KNTC1: variants seen among roughly 807,000 people sequenced by gnomAD.
KNTC1 encodes the protein kinetochore-associated protein 1.
A neutral mutation model predicts 314.4 loss-of-function variants in KNTC1; 253 were observed. The ratio of observed to expected loss-of-function variants is 0.80; its 90% CI spans 0.73 to 0.89. The LOEUF (loss-of-function observed/expected upper bound fraction) is 0.89. Among genes scored for constraint, KNTC1 ranks in the 40% least tolerant of loss-of-function variants. The pLI is 0.00. For missense variants in KNTC1, 2,475 were observed against 2,572.9 expected, an observed-to-expected ratio of 0.96 and a Z score of 0.82; for synonymous variants, 901 against 901.4, an observed-to-expected ratio of 1.00 and a Z score of 0.01.
intron 2 of KNTC1, among the ~76,000 whole-genome samples, chr12:122,532,062 C>A (rs1300090181): frequency 6.7e-6 from 1 of 148,426 alleles, no homozygotes. Flanking sequence ...AAGAGAGACT[C>A]TCACTCTGTA....
chr12:122,530,099 T>C lies in KNTC1; in HGVS notation c.36T>C (p.Asp12=). ...WNDIELLTND[D]TGSGYLSVGS... is the part of the protein sequence containing the mutation. ...ATATTGAGCTGCTAACAAATGATGATACCGGAAGTGGGTACCTGAGTGTCG... is the reference window on the plus strand; with the variant it reads ...ATATTGAGCTGCTAACAAATGATGACACCGGAAGTGGGTACCTGAGTGTCG... Residue 12 remains aspartate (D), a synonymous_variant, in exon 2 of 64, where the codon GAT becomes GAC. Transcript: ENST00000333479. 1 of 1,613,844 alleles carries C rather than the reference T, an allele frequency of 6.2e-7. No individual in the cohort carries two copies.
intron 21 of KNTC1, 64 bp from the exon 22 acceptor site, chr12:122,569,617 C>A: frequency 7.0e-7 from 1 of 1,430,754 alleles, no homozygotes; most frequent in South Asian, 1.3e-5. Context: ...ATATCTTTGT[C>A]AAACATTTGG....
Position 122,542,100 on chromosome 12 carries a change from A to G in KNTC1, c.496A>G (p.Asn166Asp), listed in dbSNP as rs536299294. The part of the protein sequence containing the change: ...LTYSGFFCIT[N>D]LQLLKIQQAI... ...ATACAGTGGATTTTTTTGTATTACA[A>G]ACCTTCAGCTTTTAAAAATTCAACA... is the stretch of plus-strand genomic sequence containing the variant. Residue 166 changes from asparagine to aspartate, a missense_variant, in exon 6 of 64, where the codon AAC (asparagine) becomes GAC (aspartate). Transcript: ENST00000333479. The G allele has an allele frequency of 7.8e-5, 119 of 1,528,938 alleles. 4 individuals are homozygous for G. The South Asian group carries it at 1.3e-3, about 17-fold the overall frequency. The allele number at this position is 1,528,938 out of a possible 1,614,324, so 94.7% of individuals were successfully genotyped here. A position where few individuals can be genotyped will look rare whatever the true frequency, so the allele number is the denominator to read the frequency against.
At chr12:122,571,180 G>T in intron 24 of KNTC1, 54 bp downstream of exon 24, 1 of 1,340,840 alleles carries the variant, frequency 7.5e-7, no homozygotes, top group African/African-American at 1.4e-5. Context: ...ACCTGAAAGG[G>T]TTTGTCTGCA....
chr12:122,542,021 A>T, intron 5 of KNTC1, 29 bp from the exon 6 acceptor site: 1 of 1,496,378 alleles, frequency 6.7e-7, no homozygotes, highest in South Asian at 1.3e-5. Context: ...CTCAAAAAAA[A>T]GAAACTGATT....
chr12:122,554,001 G>A (rs1046845260), intron 16 of KNTC1, among the ~76,000 whole-genome samples: 1 of 148,874 alleles, frequency 6.7e-6, no homozygotes, highest in Non-Finnish European at 1.5e-5. Context: ...TTACTAAGTG[G>A]GTGCTTGCTA....
At chr12:122,603,432 C>T (rs563127788) in intron 48 of KNTC1, among the ~76,000 whole-genome samples, 189 bp downstream of exon 48, 10 of 152,094 alleles carry the variant, frequency 6.6e-5, no homozygotes, top group Middle Eastern at 3.4e-3. Flanking sequence ...GTCCTTGTGC[C>T]GCCTTTGGGG....
intron 5 of KNTC1, among the ~76,000 whole-genome samples, chr12:122,540,219 C>G (rs540742069): frequency 1.8e-4 from 27 of 150,026 alleles, no homozygotes; most frequent in African/African-American, 6.4e-4. Context: ...GTCCCCCAGG[C>G]TGGAGTGCAA....
intron 37 of KNTC1, 111 bp downstream of exon 37, chr12:122,585,885 C>T (rs1869215902): frequency 6.4e-6 from 6 of 932,694 alleles, no homozygotes; most frequent in South Asian, 1.5e-5. Flanking sequence ...ACCTTATAAG[C>T]GTAATGTGGA....
At chr12:122,561,386 AATTTTTGCAATTGCAAATAATGTC>A (rs1215718421) in intron 18 of KNTC1, among the ~76,000 whole-genome samples, 1 of 151,762 alleles carries the variant, frequency 6.6e-6, no homozygotes, top group Non-Finnish European at 1.5e-5. Context: ...TTTGGCATGC[AATTTTTGCAATTGCAAATAATGTC>A]ATTTTTGCAA....
chr12:122,587,565 GT>G (rs1869530212), intron 38 of KNTC1, 145 bp from the exon 39 acceptor site: 1 of 539,312 alleles, frequency 1.9e-6, no homozygotes, highest in Admixed American at 3.7e-5. Context: ...CAAGCCTCAT[GT>G]TAACTTCTCA....
intron 55 of KNTC1, among the ~76,000 whole-genome samples, chr12:122,614,713 T>C (rs1172382687): frequency 6.6e-6 from 1 of 151,852 alleles, no homozygotes; most frequent in Non-Finnish European, 1.5e-5. Flanking sequence ...AAACCCCGTC[T>C]CTACTAAAAA....
chr12:122,572,961 G>T lies in KNTC1; in HGVS notation c.2044G>T (p.Val682Leu). The change falls in exon 25 of 64, where the codon GTA becomes TTA. Residue 682 changes from valine to leucine, a missense_variant. Transcript: ENST00000333479. Reference sequence around the variant, plus strand: ...GAAAGATTATCAGAACACAGAGGAAGTATGTCAGCTAAGGACTTTGGTAAA... The same window carrying T: ...GAAAGATTATCAGAACACAGAGGAATTATGTCAGCTAAGGACTTTGGTAAA... ...SLKDYQNTEE[V>L]CQLRTLVNNL... 6.3e-7 allele frequency: 1 copy of T among 1,595,390 alleles called. No homozygotes were observed. The highest frequency in any genetic ancestry group is 8.6e-7 in the Non-Finnish European group (1 of 1,167,202).
At chr12:122,542,582 A>G (rs1208461603) in intron 6 of KNTC1, among the ~76,000 whole-genome samples, 3 of 152,144 alleles carry the variant, frequency 2.0e-5, no homozygotes, top group Non-Finnish European at 2.9e-5. Context: ...CCTGACCAAC[A>G]TGAAGAAACC....
chr12:122,532,029 G>A (rs531136549), intron 2 of KNTC1, among the ~76,000 whole-genome samples: 137 of 143,130 alleles, frequency 9.6e-4, no homozygotes, highest in African/African-American at 3.3e-3. Context: ...CACCGCACCC[G>A]GCCATTTGTT....
chr12:122,550,536 T>C (rs1034670876), intron 13 of KNTC1, among the ~76,000 whole-genome samples: 8 of 152,166 alleles, frequency 5.3e-5, no homozygotes, highest in African/African-American at 9.7e-5. Context: ...AGGGTCTTGC[T>C]CTGTTGCCCA....
chr12:122,601,657 A>G (rs1871927651), intron 45 of KNTC1, 32 bp downstream of exon 45: 1 of 1,444,144 alleles, frequency 6.9e-7, no homozygotes, highest in African/African-American at 1.5e-5. Context: ...TGTAAAAATC[A>G]TCTTTCTGCT....
chr12:122,544,086 C>A, intron 7 of KNTC1, 73 bp from the exon 8 acceptor site: 3 of 630,172 alleles, frequency 4.8e-6, no homozygotes, highest in South Asian at 2.4e-5. Flanking sequence ...TGATTGATAT[C>A]AACTGATTTT....
In KNTC1 at chr12:122,541,261, T is replaced by TTGCCTGCCTGCCTGCCTGCC. The variant is rs201311150; in HGVS notation, c.446-779_446-760dup. 1.0e-4 allele frequency among the ~76,000 whole-genome samples: 14 copies of TTGCCTGCCTGCCTGCCTGCC among 137,290 alleles called. 1 individual carries two copies. Among genetic ancestry groups the TTGCCTGCCTGCCTGCCTGCC allele is most frequent in the African/African-American group, 4.1e-4 (14 of 34,218 alleles). 90.1% of individuals were successfully genotyped at this position (137,290 alleles called of 152,430 possible). ...AGTTCCAGATACTGTTTGTTTGTGC[T>TTGCCTGCCTGCCTGCCTGCC]TGCCTGCCTGCCTGCCTGCCTGCCT... On this transcript the variant is annotated intron_variant, in intron 5 of 63. Transcript: ENST00000333479.
Sources: gnomAD v4.1 joint callset for allele counts (sites outside exome capture counted in the v4.1 genomes callset) on GRCh38, gnomAD v4.1.1 for gene constraint, MANE v1.5 for transcripts, NCBI Gene and HGNC (gene_info 2026-07-23, HGNC 2026-07-21) for gene names.